The following JAK2 variants were observed in gnomAD, a reference collection of about 807,000 sequenced individuals.
JAK2 encodes the protein Janus kinase 2.
Under a neutral mutation model 139.3 loss-of-function variants are expected in JAK2, and 86 were observed. The ratio of observed to expected loss-of-function variants is 0.62; its 90% CI spans 0.52 to 0.74. The LOEUF is 0.74. Among genes scored for constraint, JAK2 ranks in the 30% least tolerant of loss-of-function variants. The pLI is 0.00. For missense variants in JAK2, 1,421 were observed against 1,360.3 expected (o/e 1.04, Z -0.70); for synonymous variants, 490 against 437.7 (o/e 1.12, Z -1.49).
intron 3 of JAK2, among the ~76,000 whole-genome samples, chr9:5,022,979 A>T (rs923367092): frequency 1.3e-5 from 2 of 152,236 alleles, no homozygotes; most frequent in Non-Finnish European, 2.9e-5. Flanking sequence ...AGTATAGGTC[A>T]GAATAACCAT....
At chr9:5,003,731 CA>C (rs746230919) in intron 2 of JAK2, among the ~76,000 whole-genome samples, 28 of 151,996 alleles carry the variant, frequency 1.8e-4, no homozygotes, top group Non-Finnish European at 4.1e-4. Flanking sequence ...CCACAATGTC[CA>C]CTATGGTATT....
chr9:5,045,337 G>T (rs1339821504), intron 5 of JAK2, among the ~76,000 whole-genome samples: 1 of 152,166 alleles, frequency 6.6e-6, no homozygotes, highest in African/African-American at 2.4e-5. Context: ...GCCTAGTTCA[G>T]TTTATGAACA....
chr9:5,084,560 T>A (rs901557992), intron 19 of JAK2, among the ~76,000 whole-genome samples: 26 of 152,256 alleles, frequency 1.7e-4, no homozygotes, highest in African/African-American at 6.0e-4. Flanking sequence ...TAAAAAATAT[T>A]TTCATACTGT....
At chr9:5,024,357 G>C (rs1427920952) in intron 3 of JAK2, among the ~76,000 whole-genome samples, 1 of 151,848 alleles carries the variant, frequency 6.6e-6, no homozygotes, top group Non-Finnish European at 1.5e-5. Flanking sequence ...GAATTCCTAG[G>C]GCCAAAAGAA....
chr9:5,081,721 C>G lies in JAK2; in HGVS notation c.2435-4C>G, dbSNP rs1231788312. ...TAAGGTGATAATATTCTTTATTTCT[C>G]CAGATTATGAACTATTAACAGAAAA... On this transcript the variant is annotated splice_region_variant and splice_polypyrimidine_tract_variant and intron_variant, in intron 18 of 24. Coordinates refer to ENST00000381652, the MANE Select transcript of JAK2 (RefSeq NM_004972.4). 2 of 1,582,462 alleles carry G rather than the reference C, an allele frequency of 1.3e-6. No homozygotes were observed. Among genetic ancestry groups the G allele is most frequent in the African/African-American group, 1.4e-5 (1 of 73,750 alleles).
chr9:5,126,035 A>C (rs1823970634), intron 23 of JAK2: 1 of 209,620 alleles, frequency 4.8e-6, no homozygotes, highest in Non-Finnish European at 9.4e-6. Flanking sequence ...AATATGATAA[A>C]AATATGAGTT....
intron 24 of JAK2, 104 bp downstream of exon 24, chr9:5,126,550 A>T (rs964247178): frequency 1.1e-6 from 1 of 947,328 alleles, no homozygotes; most frequent in Non-Finnish European, 1.6e-6. Flanking sequence ...GCTTCCAGAT[A>T]AACAGCATAA....
chr9:5,032,483 G>A (rs1823234265), intron 4 of JAK2, among the ~76,000 whole-genome samples: 1 of 152,218 alleles, frequency 6.6e-6, no homozygotes, highest in African/African-American at 2.4e-5. Context: ...TAGCCTAACT[G>A]GGAGGCACCC....
At chr9:5,109,816 T>A (rs936290139) in intron 22 of JAK2, 1 of 152,194 alleles carries the variant, frequency 6.6e-6, no homozygotes, top group Non-Finnish European at 1.5e-5. Flanking sequence ...CTAACATTAA[T>A]CAATTTTTCA....
At position 5,128,953 on chromosome 9, in the gene JAK2, T is replaced by C. The variant is rs1053437298; in HGVS notation, c.*2162T>C. On this transcript the variant is annotated 3_prime_UTR_variant, in exon 25 of 25. Transcript: ENST00000381652. ...TATATTAAGTTATACAATCTTTATA[T>C]AAATGACTTTTTCCATGGGTACTTG... 6.6e-6 allele frequency among the ~76,000 whole-genome samples: 1 copy of C among 152,022 alleles called. No homozygotes were observed. Among genetic ancestry groups the C allele is most frequent in the African/African-American group, 2.4e-5 (1 of 41,446 alleles).
chr9:5,044,397 T>G lies in JAK2; in HGVS notation c.351-6T>G. 6.3e-7 allele frequency: 1 copy of G among 1,580,156 alleles called. No individual in the cohort carries two copies. Among genetic ancestry groups the G allele is most frequent in the South Asian group, 1.1e-5 (1 of 90,240 alleles). On this transcript the variant is annotated splice_polypyrimidine_tract_variant and splice_region_variant and intron_variant, in intron 4 of 24. Coordinates refer to ENST00000381652, the MANE Select transcript of JAK2 (RefSeq NM_004972.4). ...AAGCTGACCAAATGTTTTTATTATC[T>G]TGTAGATTTTACTTTCCTCGTTGGT...
At chr9:5,071,591 A>G (rs1818953408) in intron 12 of JAK2, among the ~76,000 whole-genome samples, 1 of 152,204 alleles carries the variant, frequency 6.6e-6, no homozygotes, top group South Asian at 2.1e-4. Flanking sequence ...ACCTCAAGAC[A>G]GATCTGAAGA....
chr9:5,026,747 T>C (rs1278611057), intron 3 of JAK2, among the ~76,000 whole-genome samples: 1 of 152,198 alleles, frequency 6.6e-6, no homozygotes, highest in Non-Finnish European at 1.5e-5. Context: ...GAATGTTCTA[T>C]ATATGCTTGA....
chr9:5,072,746 A>C lies in JAK2; in HGVS notation c.1776+120A>C, dbSNP rs992259015. On this transcript the variant is annotated intron_variant, in intron 13 of 24. Coordinates refer to ENST00000381652, the MANE Select transcript of JAK2 (RefSeq NM_004972.4). ...ATTGTAATTTTTAAATGTGTCAAGG[A>C]CTTTTCTGAGGATACATTCTTGTGG... 4 of 643,152 alleles carry C rather than the reference A, an allele frequency of 6.2e-6. No individual in the cohort carries two copies. In the African/African-American group the frequency reaches 7.5e-5, roughly 12 times the overall value. 39.8% of individuals were successfully genotyped at this position (643,152 alleles called of 1,614,324 possible).
At chr9:5,123,502 T>C (rs1416941087) in intron 23 of JAK2, among the ~76,000 whole-genome samples, 1 of 152,070 alleles carries the variant, frequency 6.6e-6, no homozygotes, top group South Asian at 2.1e-4. Context: ...TATGGCTGAA[T>C]AGTATTCCAT....
intron 4 of JAK2, among the ~76,000 whole-genome samples, chr9:5,035,454 C>A (rs1216448116): frequency 6.6e-6 from 1 of 152,306 alleles, no homozygotes; most frequent in Admixed American, 6.5e-5. Flanking sequence ...ATACCAATAT[C>A]CTTGATGAAC....
chr9:5,118,007 A>C (rs569677225), intron 22 of JAK2, among the ~76,000 whole-genome samples: 1 of 152,222 alleles, frequency 6.6e-6, no homozygotes, highest in Non-Finnish European at 1.5e-5. Context: ...GTAAGTAGTT[A>C]TAATGTATTT....
chr9:5,100,721 A>G (rs1010702960), intron 22 of JAK2: 2 of 152,212 alleles, frequency 1.3e-5, no homozygotes, highest in African/African-American at 4.8e-5. Flanking sequence ...TAATTCTAGC[A>G]CTATCCATCA....
At chr9:5,033,320 G>T (rs563031590) in intron 4 of JAK2, among the ~76,000 whole-genome samples, 1 of 152,170 alleles carries the variant, frequency 6.6e-6, no homozygotes, top group African/African-American at 2.4e-5. Context: ...CACTCTGCAG[G>T]ATATTATCCA....
Sources: allele counts gnomAD v4.1 joint callset (sites outside exome capture counted in the v4.1 genomes callset), GRCh38; gene constraint gnomAD v4.1.1; transcripts MANE v1.5; gene names NCBI Gene and HGNC (gene_info 2026-07-23, HGNC 2026-07-21).